RNF212B: variants seen among roughly 807,000 people sequenced by gnomAD.
The protein encoded by RNF212B is ring finger protein 212B.
A neutral mutation model predicts 55.5 loss-of-function variants in RNF212B; 52 were observed. The ratio of observed to expected loss-of-function variants is 0.94; its 90% CI spans 0.75 to 1.18. The LOEUF (loss-of-function observed/expected upper bound fraction) is 1.18, where lower values mean the gene tolerates loss of function less well. Among genes scored for constraint, RNF212B ranks in the 50% most tolerant of loss-of-function variants. RNF212B has a pLI of 0.00. For missense variants in RNF212B, 289 were observed against 350.4 expected, an observed-to-expected ratio of 0.82 and a Z score of 1.40; for synonymous variants, 99 against 121.4, an observed-to-expected ratio of 0.82 and a Z score of 1.21.
upstream of RNF212B, among the ~76,000 whole-genome samples, chr14:23,235,685 A>G (rs77145952): frequency 7.9e-5 from 12 of 152,356 alleles, no homozygotes; most frequent in South Asian, 2.5e-3. Context: ...TATTAACAAA[A>G]GTGATTTTTT....
At position 23,272,888 on chromosome 14, in the gene RNF212B, A is replaced by G. The variant is rs1036274881; in HGVS notation, c.900A>G (p.Arg300=). Residue 300 remains arginine, a synonymous_variant, in exon 15 of 15, where the codon AGA becomes AGG. Transcript: ENST00000430154. ...PSGREAWTTS[R] The stretch of plus-strand genomic sequence containing the variant: ...GGAGAGAAGCATGGACCACTTCTAG[A>G]TAGATCATCTTCAAGATCTGATCTA... 6.5e-7 allele frequency: 1 copy of G among 1,528,988 alleles called. No individual in the cohort carries two copies. Among genetic ancestry groups the G allele is most frequent in the African/African-American group, 1.4e-5 (1 of 72,384 alleles). The allele number at this position is 1,528,988 out of a possible 1,614,324, so 94.7% of individuals were successfully genotyped here. A position where few individuals can be genotyped will look rare whatever the true frequency, so the allele number is the denominator to read the frequency against.
At chr14:23,239,881 A>C (rs887023280) in intron 1 of RNF212B, among the ~76,000 whole-genome samples, 3 of 152,030 alleles carry the variant, frequency 2.0e-5, no homozygotes, top group African/African-American at 7.2e-5. Flanking sequence ...GGCCTCCCAA[A>C]GTGCTGGGAT....
upstream of RNF212B, among the ~76,000 whole-genome samples, chr14:23,236,573 AAC>A (rs1883116856): frequency 1.3e-5 from 2 of 152,068 alleles, no homozygotes; most frequent in Admixed American, 6.6e-5. Flanking sequence ...ACAACAAACA[AAC>A]ACACATTTAA....
intron 4 of RNF212B, among the ~76,000 whole-genome samples, chr14:23,255,897 A>G (rs945093695): frequency 6.6e-5 from 10 of 152,226 alleles, no homozygotes; most frequent in Non-Finnish European, 1.5e-5. Context: ...TGTGTTTGAT[A>G]TAGGCTAAAC....
At chr14:23,266,404 G>GTTTTTTTTTTTTTTTTTTTTTTTTTTTTT (rs57731750) in intron 11 of RNF212B, among the ~76,000 whole-genome samples, 1 of 46,872 alleles carries the variant, frequency 2.1e-5, no homozygotes, top group Non-Finnish European at 3.6e-5. Context: ...CCTTTTAAAT[G>GTTTTTTTTTTTTTTTTTTTTTTTTTTTTT]TTTTTTTTTT....
intron 4 of RNF212B, among the ~76,000 whole-genome samples, chr14:23,248,300 G>C (rs1260913683): frequency 2.7e-5 from 4 of 149,062 alleles, no homozygotes; most frequent in Non-Finnish European, 4.5e-5. Context: ...GCTAGTTTTT[G>C]TGTTTTTTTT....
chr14:23,205,837 A>C, intron 2 of RNF212B, among the ~76,000 whole-genome samples: 1 of 152,196 alleles, frequency 6.6e-6, no homozygotes, highest in East Asian at 1.9e-4. Flanking sequence ...ATTTACTAAA[A>C]ATTACACAAG....
intron 2 of RNF212B, among the ~76,000 whole-genome samples, chr14:23,222,417 C>A (rs1881651909): frequency 6.6e-6 from 1 of 151,978 alleles, no homozygotes; most frequent in African/African-American, 2.4e-5. Context: ...CATATACAAC[C>A]TACCAAGATT....
At chr14:23,190,607 G>T (rs80176989) in intron 1 of RNF212B, among the ~76,000 whole-genome samples, 6,745 of 152,212 alleles carry the variant, frequency 0.044, 189 homozygotes, top group Non-Finnish European at 0.061. Flanking sequence ...GTTCATCACC[G>T]CTTCACCATC....
intron 2 of RNF212B, chr14:23,230,182 CT>C (rs2140418628): frequency 6.6e-6 from 1 of 152,528 alleles, no homozygotes; most frequent in South Asian, 2.0e-4. Context: ...AGTTGTAGTT[CT>C]TTTTATATTT....
At chr14:23,234,646 A>G (rs1014276643), upstream of RNF212B, among the ~76,000 whole-genome samples, 20 of 152,222 alleles carry the variant, frequency 1.3e-4, no homozygotes, top group African/African-American at 4.8e-4. Context: ...ATTCTGTTTC[A>G]TTGGTCTACA....
intron 1 of RNF212B, among the ~76,000 whole-genome samples, chr14:23,191,348 CAAAAAA>C (rs776652211): frequency 2.1e-5 from 1 of 48,184 alleles, no homozygotes; most frequent in Admixed American, 2.3e-4. Flanking sequence ...GACCCTGTCT[CAAAAAA>C]AAAAAAAAAA....
At chr14:23,234,389 C>T (rs1326788815), upstream of RNF212B, among the ~76,000 whole-genome samples, 1 of 151,756 alleles carries the variant, frequency 6.6e-6, no homozygotes, top group Non-Finnish European at 1.5e-5. Flanking sequence ...TTTTTGGATC[C>T]TAGGAAGATT....
At chr14:23,245,965 T>A (rs930838761) in intron 4 of RNF212B, among the ~76,000 whole-genome samples, 11 of 152,200 alleles carry the variant, frequency 7.2e-5, no homozygotes, top group African/African-American at 1.9e-4. Flanking sequence ...TATCTATTTA[T>A]GTTTTTATGT....
intron 2 of RNF212B, among the ~76,000 whole-genome samples, chr14:23,211,423 C>T (rs141164376): frequency 3.9e-5 from 6 of 151,946 alleles, no homozygotes; most frequent in African/African-American, 1.2e-4. Flanking sequence ...GTAAGTTCTA[C>T]CAAACATTTA....
intron 4 of RNF212B, among the ~76,000 whole-genome samples, chr14:23,256,376 A>AT (rs11448890): frequency 0.56 from 81,594 of 146,500 alleles, 23,543 homozygotes; most frequent in African/African-American, 0.75. Flanking sequence ...CCACTGTTTA[A>AT]TTTTTTTTTT....
At chr14:23,251,973 C>T (rs570745730) in intron 4 of RNF212B, among the ~76,000 whole-genome samples, 14 of 152,214 alleles carry the variant, frequency 9.2e-5, no homozygotes, top group African/African-American at 2.4e-4. Context: ...CTCTCTGAAC[C>T]GCCTTGTTCA....
At chr14:23,248,321 A>C (rs1424571810) in intron 4 of RNF212B, among the ~76,000 whole-genome samples, 13 of 145,598 alleles carry the variant, frequency 8.9e-5, no homozygotes, top group Non-Finnish European at 2.0e-4. Context: ...TTTTTAATAG[A>C]TACAGGGTTT....
At chr14:23,254,648 C>T (rs1566432314) in intron 4 of RNF212B, among the ~76,000 whole-genome samples, 1 of 152,174 alleles carries the variant, frequency 6.6e-6, no homozygotes, top group Non-Finnish European at 1.5e-5. Context: ...CCCACCTTGG[C>T]TTCCCAAAGT....
Sources: gnomAD v4.1 joint callset for allele counts (sites outside exome capture counted in the v4.1 genomes callset) on GRCh38, gnomAD v4.1.1 for gene constraint, MANE v1.5 for transcripts, NCBI Gene and HGNC (gene_info 2026-07-23, HGNC 2026-07-21) for gene names.